ABLIM1: variants seen among roughly 807,000 people sequenced by gnomAD.
The protein encoded by ABLIM1 is actin-binding LIM protein 1.
Under a neutral mutation model 107.0 loss-of-function variants are expected in ABLIM1, and 40 were observed. The observed-to-expected ratio is 0.37, with a 90% CI of 0.29 to 0.49. The LOEUF (loss-of-function observed/expected upper bound fraction) is 0.49, where lower values mean the gene tolerates loss of function less well. Among genes scored for constraint, ABLIM1 ranks in the 20% least tolerant of loss-of-function variants. The probability of loss-of-function intolerance (pLI) is 0.97; values close to 1 mark genes in which losing one functional copy is unlikely to be tolerated. For missense variants in ABLIM1, 857 were observed against 1,008.5 expected, an observed-to-expected ratio of 0.85 and a Z score of 2.04; for synonymous variants, 357 against 357.3, an observed-to-expected ratio of 1.00 and a Z score of 0.01.
At chr10:114,536,062 A>T (rs1208679785) in intron 6 of ABLIM1, among the ~76,000 whole-genome samples, 1 of 151,860 alleles carries the variant, frequency 6.6e-6, no homozygotes, top group Non-Finnish European at 1.5e-5. Flanking sequence ...CTCCAAAAAG[A>T]AACCCCATAC....
At chr10:114,727,885 A>G (rs2081993228) in intron 1 of ABLIM1, among the ~76,000 whole-genome samples, 1 of 152,112 alleles carries the variant, frequency 6.6e-6, no homozygotes, top group African/African-American at 2.4e-5. Context: ...ATCATGCCAC[A>G]TTGCACTCCA....
intron 1 of ABLIM1, among the ~76,000 whole-genome samples, chr10:114,608,351 C>G (rs936666130): frequency 2.0e-5 from 3 of 151,366 alleles, no homozygotes; most frequent in African/African-American, 7.3e-5. Flanking sequence ...GAGACAAGAA[C>G]AAAAGTCTGT....
chr10:114,736,865 G>A (rs915951017), intron 1 of ABLIM1, among the ~76,000 whole-genome samples: 2 of 152,090 alleles, frequency 1.3e-5, no homozygotes, highest in Non-Finnish European at 2.9e-5. Context: ...TAAAAAACAG[G>A]GACAGAAAAC....
At chr10:114,632,122 C>A in intron 1 of ABLIM1, 1 of 985,356 alleles carries the variant, frequency 1.0e-6, no homozygotes, top group Non-Finnish European at 1.2e-6. Context: ...GCTATCGCCC[C>A]CGCGCTCTTC....
intron 6 of ABLIM1, among the ~76,000 whole-genome samples, chr10:114,542,083 C>A (rs543718349): frequency 1.3e-5 from 2 of 152,262 alleles, no homozygotes; most frequent in Admixed American, 1.3e-4. Flanking sequence ...TACAGCTGGA[C>A]ATCTGGGAAA....
At chr10:114,481,318 C>T (rs1180646758) in intron 8 of ABLIM1, among the ~76,000 whole-genome samples, 1 of 151,686 alleles carries the variant, frequency 6.6e-6, no homozygotes, top group African/African-American at 2.4e-5. Flanking sequence ...GATGCAACAA[C>T]TATATTCATC....
rs544956381 is a variant in ABLIM1, at chr10:114,629,048, C to T, written c.245-27087G>A. On this transcript the variant is annotated intron_variant, in intron 1 of 22. Coordinates refer to ENST00000533213, the MANE Select transcript of ABLIM1 (RefSeq NM_002313.7). This position sits in a 1 kb window ranked among gnomAD's most constrained non-coding sequence, Gnocchi z 4.0. ...AGAAATAACCATTTCATCAAGATTC[C>T]GGAATCAATAAGTGTCTGCAGCTGG... Among the ~76,000 whole-genome samples the T allele has an allele frequency of 2.6e-4, 39 of 152,198 alleles. No individual in the cohort carries two copies. The highest frequency in any genetic ancestry group is 3.4e-3 in the Middle Eastern group (1 of 294).
At chr10:114,798,563 C>CT in the ABLIM1 span, among the ~76,000 whole-genome samples, 14 of 125,828 alleles carry the variant, frequency 1.1e-4, no homozygotes, top group African/African-American at 4.6e-4. Context: ...GAGACCCCCC[C>CT]CCCATGTCTA....
intron 17 of ABLIM1, among the ~76,000 whole-genome samples, chr10:114,443,672 TAA>T (rs11418258): frequency 0.025 from 2,646 of 107,310 alleles, 86 homozygotes; most frequent in African/African-American, 0.089. Context: ...TCATGTTATC[TAA>T]AAAAAAAAAA....
At chr10:114,591,171 A>T (rs148629368) in intron 2 of ABLIM1, among the ~76,000 whole-genome samples, 27 of 152,162 alleles carry the variant, frequency 1.8e-4, no homozygotes, top group African/African-American at 6.3e-4. Flanking sequence ...GGTAAAGTTG[A>T]CTCTGAAGAC....
chr10:114,657,890 T>C, intron 1 of ABLIM1, 67 bp downstream of exon 1: 2 of 1,296,080 alleles, frequency 1.5e-6, no homozygotes, highest in Non-Finnish European at 2.2e-6. Flanking sequence ...ATGATCTGGA[T>C]AGTACTCTCT....
At chr10:114,621,194 T>G (rs892074693) in intron 1 of ABLIM1, among the ~76,000 whole-genome samples, 4 of 152,226 alleles carry the variant, frequency 2.6e-5, no homozygotes, top group Admixed American at 2.6e-4. Context: ...CAATCTTCCA[T>G]GACCATCCAA....
intron 12 of ABLIM1, among the ~76,000 whole-genome samples, chr10:114,462,088 G>C (rs892594213): frequency 6.6e-5 from 10 of 152,132 alleles, no homozygotes; most frequent in African/African-American, 1.7e-4. Flanking sequence ...CAACAACCAA[G>C]TGAGCACAAA....
the ABLIM1 span, among the ~76,000 whole-genome samples, chr10:114,784,906 T>C: frequency 1.3e-5 from 2 of 152,164 alleles, no homozygotes; most frequent in African/African-American, 4.8e-5. Context: ...AAACATTGAA[T>C]TGCAGATGAT....
the ABLIM1 span, among the ~76,000 whole-genome samples, chr10:114,792,095 C>T: frequency 3.3e-5 from 5 of 152,152 alleles, no homozygotes; most frequent in East Asian, 1.9e-4. Context: ...CCAAGGCGGA[C>T]GGATTGCTTG....
At chr10:114,696,906 T>C (rs538134512) in intron 1 of ABLIM1, among the ~76,000 whole-genome samples, 8 of 152,316 alleles carry the variant, frequency 5.3e-5, no homozygotes, top group African/African-American at 1.9e-4. Context: ...CCTGAGATAC[T>C]GGGAGTTAGG....
At chr10:114,598,441 A>C (rs558867776) in intron 2 of ABLIM1, among the ~76,000 whole-genome samples, 2 of 152,176 alleles carry the variant, frequency 1.3e-5, no homozygotes, top group East Asian at 3.9e-4. Flanking sequence ...TACAAAAATT[A>C]GCTGGGTGTG....
At chr10:114,489,255 G>A (rs748925783) in intron 7 of ABLIM1, among the ~76,000 whole-genome samples, 3 of 152,098 alleles carry the variant, frequency 2.0e-5, no homozygotes, top group Non-Finnish European at 2.9e-5. Context: ...GACCTCAAGC[G>A]ATCCACCCAC....
At chr10:114,563,426 C>T (rs1397364882) in intron 4 of ABLIM1, among the ~76,000 whole-genome samples, 2 of 152,078 alleles carry the variant, frequency 1.3e-5, no homozygotes, top group Non-Finnish European at 2.9e-5. Flanking sequence ...TTTTCATTTT[C>T]TTGGTAGTGG....
Sources: allele counts gnomAD v4.1 joint callset (sites outside exome capture counted in the v4.1 genomes callset), GRCh38; gene constraint gnomAD v4.1.1; non-coding constraint Gnocchi (gnomAD v3.1); transcripts MANE v1.5; gene names NCBI Gene and HGNC (gene_info 2026-07-23, HGNC 2026-07-21).